ARPP21: variants seen among roughly 807,000 people sequenced by gnomAD.
ARPP21 encodes the protein cAMP-regulated phosphoprotein 21.
A neutral mutation model predicts 113.2 loss-of-function variants in ARPP21; 69 were observed. The ratio of observed to expected loss-of-function variants is 0.61; its 90% confidence interval spans 0.50 to 0.74. ARPP21 has a LOEUF of 0.74. Among genes scored for constraint, ARPP21 ranks in the 30% least tolerant of loss-of-function variants. ARPP21 has a pLI of 0.00. For missense variants in ARPP21, 1,070 were observed against 1,037.4 expected, an observed-to-expected ratio of 1.03 and a Z score of -0.43; for synonymous variants, 368 against 375.5, an observed-to-expected ratio of 0.98 and a Z score of 0.23.
chr3:35,698,045 A>G (rs1387643026), intron 9 of ARPP21, among the ~76,000 whole-genome samples: 3 of 151,604 alleles, frequency 2.0e-5, no homozygotes, highest in African/African-American at 7.3e-5. Flanking sequence ...CAGGAATGGC[A>G]GTGAAAATCA....
chr3:35,732,116 C>G (rs12636871), intron 15 of ARPP21, among the ~76,000 whole-genome samples: 56,730 of 151,764 alleles, frequency 0.37, 11,528 homozygotes, highest in East Asian at 0.72. Flanking sequence ...TTTGGAATGT[C>G]GTTCATGTGC....
At chr3:35,668,027 A>AAGAAGAAGAAGAAGGAGAAGG in intron 1 of ARPP21, among the ~76,000 whole-genome samples, 1 of 132,470 alleles carries the variant, frequency 7.5e-6, no homozygotes, top group African/African-American at 2.8e-5. Flanking sequence ...GAAGAAGAAG[A>AAGAAGAAGAAGAAGGAGAAGG]AGAAGGAGAA....
At chr3:35,667,967 AAG>A (rs2075123845) in intron 1 of ARPP21, among the ~76,000 whole-genome samples, 1 of 107,462 alleles carries the variant, frequency 9.3e-6, no homozygotes, top group African/African-American at 3.5e-5. Context: ...GAAGAAGAAG[AAG>A]AAGAAGAAGA....
intron 13 of ARPP21, among the ~76,000 whole-genome samples, chr3:35,719,595 A>G (rs964037016): frequency 6.6e-6 from 1 of 152,170 alleles, no homozygotes; most frequent in Non-Finnish European, 1.5e-5. Flanking sequence ...GCACAGTCAC[A>G]CTGGCTTTTA....
Position 35,747,533 on chromosome 3 carries a change from AG to A in ARPP21, c.2137+3570del, listed in dbSNP as rs571923647. ...CGTTTATTGCCAATCTGGCATTATC[AG>A]GTACCTCCAATAGTGGGGAGATGGT... On this transcript the variant is annotated intron_variant, in intron 19 of 20. Transcript: ENST00000684406. Among the ~76,000 whole-genome samples, 5 of 152,320 alleles carry A rather than the reference AG, an allele frequency of 3.3e-5. No individual in the cohort carries two copies. In the South Asian group the frequency reaches 1.0e-3, roughly 32 times the overall value.
At position 35,674,536 on chromosome 3, in the gene ARPP21, C is replaced by T. The variant is rs904869388; in HGVS notation, c.-212-5251C>T. Among the ~76,000 whole-genome samples, 3 of 151,810 alleles carry T rather than the reference C, an allele frequency of 2.0e-5. No homozygotes were observed. The East Asian group carries it at 5.9e-4, about 30-fold the overall frequency. ...CCACATTAAAAAATTATGATGCCTA[C>T]CTACAAAACCTGGGTATACTTTATC... is the stretch of plus-strand genomic sequence containing the variant. On this transcript the variant is annotated intron_variant, in intron 1 of 20. Coordinates refer to ENST00000684406, the MANE Select transcript of ARPP21 (RefSeq NM_001385562.1).
chr3:35,759,271 G>A (rs911854263), intron 19 of ARPP21, among the ~76,000 whole-genome samples: 2 of 152,012 alleles, frequency 1.3e-5, no homozygotes, highest in African/African-American at 4.8e-5. Flanking sequence ...CTAAATGCTC[G>A]CTATGCCTAG....
At chr3:35,729,260 T>C in intron 14 of ARPP21, 43 bp from the exon 15 acceptor site, 1 of 1,387,938 alleles carries the variant, frequency 7.2e-7, no homozygotes, top group Non-Finnish European at 1.0e-6. Context: ...CTTTCTCTCA[T>C]CTCTGTGTGT....
intron 8 of ARPP21, 36 bp downstream of exon 8, chr3:35,690,176 G>A (rs1378611250): frequency 2.0e-6 from 2 of 1,006,916 alleles, no homozygotes; most frequent in Admixed American, 1.7e-5. Flanking sequence ...ATTTGATCAT[G>A]TATCCTAGTT....
rs986213019 is a variant in ARPP21 at position 35,794,215 on chromosome 3, A to G, written c.*257A>G. On this transcript the variant is annotated 3_prime_UTR_variant, in exon 21 of 21. Coordinates refer to ENST00000684406, the MANE Select transcript of ARPP21 (RefSeq NM_001385562.1). ...CATCAAGGTAAGATTTTCTCCTACC[A>G]CTGAATACCACTGTGTAGATTATAA... 1.9e-6 allele frequency: 1 copy of G among 531,280 alleles called. No individual in the cohort carries two copies. The highest frequency in any genetic ancestry group is 3.4e-6 in the Non-Finnish European group (1 of 296,144). 32.9% of individuals were successfully genotyped at this position (531,280 alleles called of 1,614,324 possible).
At chr3:35,787,901 C>T (rs536550905) in intron 19 of ARPP21, among the ~76,000 whole-genome samples, 15 of 152,258 alleles carry the variant, frequency 9.9e-5, no homozygotes, top group South Asian at 8.3e-4. Flanking sequence ...TACAATTCCT[C>T]GTAATAGCTC....
intron 19 of ARPP21, among the ~76,000 whole-genome samples, chr3:35,750,614 T>A (rs1205557767): frequency 6.6e-6 from 1 of 152,110 alleles, no homozygotes; most frequent in Admixed American, 6.6e-5. Context: ...GTATTCCGTA[T>A]TTTTTCTGTT....
intron 1 of ARPP21, among the ~76,000 whole-genome samples, chr3:35,672,978 T>C (rs1032180824): frequency 6.6e-6 from 1 of 152,102 alleles, no homozygotes; most frequent in Non-Finnish European, 1.5e-5. Flanking sequence ...TGTAATAATC[T>C]ATGTAGAATT....
intron 19 of ARPP21, among the ~76,000 whole-genome samples, chr3:35,757,596 TTGTTA>T (rs1396052583): frequency 3.9e-5 from 6 of 152,112 alleles, no homozygotes; most frequent in South Asian, 2.1e-4. Context: ...TTTGTTATGT[TTGTTA>T]TGTTTTCTTT....
intron 1 of ARPP21, among the ~76,000 whole-genome samples, chr3:35,671,844 C>T (rs765379450): frequency 2.2e-4 from 33 of 151,796 alleles, no homozygotes; most frequent in Non-Finnish European, 4.3e-4. Context: ...AGATGTTTGG[C>T]CAGTTTAATT....
At chr3:35,651,630 G>C (rs1702426866) in intron 1 of ARPP21, 1 of 152,036 alleles carries the variant, frequency 6.6e-6, no homozygotes, top group Non-Finnish European at 1.5e-5. Flanking sequence ...TTAGTAGAAA[G>C]TTTCTTAAGC....
intron 1 of ARPP21, among the ~76,000 whole-genome samples, chr3:35,640,666 G>C (rs1343098674): frequency 1.3e-5 from 2 of 152,162 alleles, no homozygotes; most frequent in Admixed American, 6.5e-5. Context: ...AGTCTACAGT[G>C]ATTTGTATAG....
chr3:35,791,961 A>G (rs2096756827), intron 19 of ARPP21, among the ~76,000 whole-genome samples: 1 of 152,228 alleles, frequency 6.6e-6, no homozygotes, highest in Non-Finnish European at 1.5e-5. Flanking sequence ...CCAGGAGAAG[A>G]GGATAGTCAG....
Position 35,685,173 on chromosome 3 carries a change from G to T in ARPP21, c.261+1358G>T, listed in dbSNP as rs147873012. Reference sequence around the variant, plus strand: ...ACTTAATCTGCTTTTTGTCCCATTTGACAAGGTACCAGGAGGAAATTTTTT... The same window carrying T: ...ACTTAATCTGCTTTTTGTCCCATTTTACAAGGTACCAGGAGGAAATTTTTT... On this transcript the variant is annotated intron_variant, in intron 5 of 20. Coordinates refer to ENST00000684406, the MANE Select transcript of ARPP21 (RefSeq NM_001385562.1). 8 of 985,240 alleles carry T rather than the reference G, an allele frequency of 8.1e-6. 1 individual carries two copies. The highest frequency in any genetic ancestry group is 9.6e-6 in the Non-Finnish European group (8 of 829,702). The allele number at this position is 985,240 out of a possible 1,614,324, so 61.0% of individuals were successfully genotyped here. A position where few individuals can be genotyped will look rare whatever the true frequency, so the allele number is the denominator to read the frequency against.
Sources: allele counts gnomAD v4.1 joint callset (sites outside exome capture counted in the v4.1 genomes callset), GRCh38; gene constraint gnomAD v4.1.1; transcripts MANE v1.5; gene names NCBI Gene and HGNC (gene_info 2026-07-23, HGNC 2026-07-21).